The following KDM4B variants were observed in gnomAD, a reference collection of about 807,000 sequenced individuals.
KDM4B encodes lysine-specific demethylase 4B.
Under a neutral mutation model 125.2 loss-of-function variants are expected in KDM4B, and 32 were observed. The ratio of observed to expected loss-of-function variants is 0.26; its 90% CI spans 0.19 to 0.34. KDM4B has a LOEUF of 0.34. Among genes scored for constraint, KDM4B ranks in the 10% least tolerant of loss-of-function variants. The pLI is 1.00. For synonymous variants in KDM4B, 721 were observed against 677.9 expected, an observed-to-expected ratio of 1.06 and a Z score of -0.99; for missense variants, 1,190 against 1,577.7, an observed-to-expected ratio of 0.75 and a Z score of 4.16.
intron 1 of KDM4B, among the ~76,000 whole-genome samples, chr19:5,011,533 G>A (rs1414528157): frequency 6.6e-6 from 1 of 152,238 alleles, no homozygotes; most frequent in Non-Finnish European, 1.5e-5. Flanking sequence ...TTGGGTGGGA[G>A]GCAGGAGATG....
chr19:5,139,197 C>T (rs768206327), intron 18 of KDM4B, among the ~76,000 whole-genome samples: 48 of 152,184 alleles, frequency 3.2e-4, no homozygotes, highest in Non-Finnish European at 5.7e-4. Context: ...GCTGGGATTA[C>T]AGGCGCGAGT....
chr19:4,982,221 G>GAT (rs2034665519), intron 1 of KDM4B, among the ~76,000 whole-genome samples: 1 of 151,720 alleles, frequency 6.6e-6, no homozygotes, highest in Admixed American at 6.6e-5. Flanking sequence ...GAACCTGGGA[G>GAT]ATGGAGGCTG....
chr19:4,991,397 T>G (rs1266361181), intron 1 of KDM4B, among the ~76,000 whole-genome samples: 1 of 152,132 alleles, frequency 6.6e-6, no homozygotes, highest in Non-Finnish European at 1.5e-5. Flanking sequence ...GAGGATCACT[T>G]GAGTCCAGTA....
At chr19:5,047,733 C>T (rs571321765) in intron 6 of KDM4B, 64 bp downstream of exon 6, 31 of 1,529,818 alleles carry the variant, frequency 2.0e-5, no homozygotes, top group South Asian at 1.4e-4. Context: ...GAGTCAATCC[C>T]GGGTACACGG....
At chr19:5,042,345 C>G (rs1330447007) in intron 5 of KDM4B, among the ~76,000 whole-genome samples, 1 of 152,002 alleles carries the variant, frequency 6.6e-6, no homozygotes, top group Non-Finnish European at 1.5e-5. Flanking sequence ...ACTAAAAATA[C>G]AAAACTTAGC....
At chr19:4,969,808 C>G (rs1300690442) in intron 1 of KDM4B, among the ~76,000 whole-genome samples, 2 of 151,610 alleles carry the variant, frequency 1.3e-5, no homozygotes, top group Non-Finnish European at 2.9e-5. Context: ...TCCGGTCAAC[C>G]TGCTATGCCT....
At chr19:5,099,088 C>T (rs1003469) in intron 9 of KDM4B, among the ~76,000 whole-genome samples, 8,108 of 152,284 alleles carry the variant, frequency 0.053, 294 homozygotes, top group Admixed American at 0.11. Context: ...GAACAACCTC[C>T]GGTTCCAGTA....
intron 7 of KDM4B, chr19:5,075,023 C>T (rs2613769): frequency 0.32 from 48,699 of 152,380 alleles, 9,357 homozygotes; most frequent in East Asian, 0.9. Context: ...GACGCAGGCG[C>T]AGCCGGGAGA....
intron 14 of KDM4B, among the ~76,000 whole-genome samples, chr19:5,134,371 G>A (rs1272968502): frequency 1.3e-5 from 2 of 152,190 alleles, no homozygotes; most frequent in Non-Finnish European, 2.9e-5. Flanking sequence ...GATGGGCCGG[G>A]TGGTGTGGGA....
intron 9 of KDM4B, among the ~76,000 whole-genome samples, chr19:5,103,007 C>T (rs1481091988): frequency 2.0e-5 from 3 of 152,250 alleles, no homozygotes; most frequent in Non-Finnish European, 4.4e-5. Context: ...CGGCCCTGCC[C>T]ACCACGTACC....
In KDM4B at chr19:4,989,859, A is replaced by G. The variant is rs116095179; in HGVS notation, c.-109+20629A>G. On this transcript the variant is annotated intron_variant, in intron 1 of 22. Coordinates refer to ENST00000159111, the MANE Select transcript of KDM4B (RefSeq NM_015015.3). ...GTAGAGATAGGGTTTCACCTTGTTC[A>G]CCAGGCTGGTCTTGAACTCCTGACT... 2.7e-3 allele frequency among the ~76,000 whole-genome samples: 406 copies of G among 151,762 alleles called. 2 individuals carry two copies. The highest frequency in any genetic ancestry group is 9.3e-3 in the African/African-American group (383 of 41,382).
chr19:5,080,162 A>G (rs377690276), intron 8 of KDM4B, among the ~76,000 whole-genome samples: 2 of 152,232 alleles, frequency 1.3e-5, no homozygotes, highest in East Asian at 1.9e-4. Flanking sequence ...GATTGGTGCA[A>G]TTAATTATTT....
Position 5,133,988 on chromosome 19 carries a change from G to A in KDM4B, c.2012G>A (p.Arg671Lys). 1 of 1,612,526 alleles carries A rather than the reference G, an allele frequency of 6.2e-7. No homozygotes were observed. ...AGGGCGGCCAGCTTCCAGGCCGAGAGGAAGTTCAACGCAGCGGCTGCGCGC... is the reference window on the plus strand; with the variant it reads ...AGGGCGGCCAGCTTCCAGGCCGAGAAGAAGTTCAACGCAGCGGCTGCGCGC... ...KNRAASFQAE[R>K]KFNAAAARTE... Residue 671 changes from arginine to lysine, a missense_variant, in exon 14 of 23, where the codon AGG (arginine) becomes AAG (lysine). Transcript: ENST00000159111.
At chr19:5,013,903 G>A (rs2035808194) in intron 1 of KDM4B, among the ~76,000 whole-genome samples, 1 of 152,202 alleles carries the variant, frequency 6.6e-6, no homozygotes, top group Non-Finnish European at 1.5e-5. Flanking sequence ...GGGTAGGCCT[G>A]GGCAGGTGGG....
At chr19:4,995,841 T>G (rs1239364534) in intron 1 of KDM4B, among the ~76,000 whole-genome samples, 1 of 152,170 alleles carries the variant, frequency 6.6e-6, no homozygotes, top group Non-Finnish European at 1.5e-5. Flanking sequence ...CCTGCGACCC[T>G]GAAATGGCCT....
intron 1 of KDM4B, among the ~76,000 whole-genome samples, chr19:5,013,274 G>A (rs983846749): frequency 1.3e-5 from 2 of 152,188 alleles, no homozygotes; most frequent in Admixed American, 6.5e-5. Context: ...AGTTACTTGT[G>A]GCAGGGGAGA....
At chr19:5,118,493 G>A (rs2039299148) in intron 10 of KDM4B, among the ~76,000 whole-genome samples, 1 of 152,160 alleles carries the variant, frequency 6.6e-6, no homozygotes, top group African/African-American at 2.4e-5. Flanking sequence ...TGGGCCTGGA[G>A]GAGGTGCAGA....
chr19:5,147,605 T>C (rs1192958966), intron 21 of KDM4B, among the ~76,000 whole-genome samples: 1 of 151,964 alleles, frequency 6.6e-6, no homozygotes, highest in Non-Finnish European at 1.5e-5. Context: ...TAGCTGGGCA[T>C]GGTGGCACGC....
chr19:5,138,139 C>A, intron 18 of KDM4B, 69 bp downstream of exon 18: 1 of 1,199,894 alleles, frequency 8.3e-7, no homozygotes, highest in Non-Finnish European at 1.2e-6. Context: ...CGGCTCCCCA[C>A]CTGCGCGATC....
Sources: gnomAD v4.1 joint callset for allele counts (sites outside exome capture counted in the v4.1 genomes callset) on GRCh38, gnomAD v4.1.1 for gene constraint, MANE v1.5 for transcripts, NCBI Gene and HGNC (gene_info 2026-07-23, HGNC 2026-07-21) for gene names.